Variants in TSPAN12 observed in about 807,000 individuals in gnomAD.
TSPAN12 encodes tetraspanin 12, also known as tetraspanin-12.
Under a neutral mutation model 39.2 loss-of-function variants are expected in TSPAN12, and 19 were observed. That is an observed-to-expected ratio of 0.49 (90% CI 0.34 to 0.71). The LOEUF (loss-of-function observed/expected upper bound fraction) is 0.71. TSPAN12 is among the 30% of genes least tolerant of loss of function. The probability of loss-of-function intolerance (pLI) is 0.01; values close to 1 mark genes in which losing one functional copy is unlikely to be tolerated. For synonymous variants in TSPAN12, 119 were observed against 124.8 expected (o/e 0.95, Z 0.31); for missense variants, 314 against 359.9 (o/e 0.87, Z 1.03).
At chr7:120,856,215 C>T (rs970861827) in intron 2 of TSPAN12, among the ~76,000 whole-genome samples, 4 of 152,146 alleles carry the variant, frequency 2.6e-5, no homozygotes, top group African/African-American at 7.2e-5. Flanking sequence ...TCTACTCAGC[C>T]TTTCTGTGAT....
intron 2 of TSPAN12, among the ~76,000 whole-genome samples, chr7:120,851,619 A>T (rs903485885): frequency 6.6e-6 from 1 of 152,244 alleles, no homozygotes; most frequent in African/African-American, 2.4e-5. Flanking sequence ...AAAGCTACAG[A>T]AACTGTCTTT....
At chr7:120,808,445 G>A (rs1793916033) in intron 6 of TSPAN12, among the ~76,000 whole-genome samples, 1 of 151,934 alleles carries the variant, frequency 6.6e-6, no homozygotes, top group Non-Finnish European at 1.5e-5. Context: ...TCATTTTCCT[G>A]TCTACTTTAA....
intron 4 of TSPAN12, among the ~76,000 whole-genome samples, chr7:120,818,280 T>C (rs543584510): frequency 5.9e-5 from 9 of 152,228 alleles, no homozygotes; most frequent in African/African-American, 2.2e-4. Flanking sequence ...TTTTATTCTA[T>C]GGGTAATGCA....
intron 6 of TSPAN12, 111 bp downstream of exon 6, chr7:120,810,352 A>T (rs749548116): frequency 4.0e-6 from 3 of 748,026 alleles, no homozygotes; most frequent in Non-Finnish European, 7.2e-6. Context: ...ACTGAATCAC[A>T]GGCTTAATTT....
chr7:120,839,427 G>A (rs925720876), intron 3 of TSPAN12, among the ~76,000 whole-genome samples: 2 of 152,094 alleles, frequency 1.3e-5, no homozygotes, highest in South Asian at 2.1e-4. Flanking sequence ...GCTAGAACAC[G>A]ATGAAAAATT....
chr7:120,830,429 T>C (rs1244032303), intron 4 of TSPAN12, among the ~76,000 whole-genome samples: 1 of 152,028 alleles, frequency 6.6e-6, no homozygotes, highest in African/African-American at 2.4e-5. Context: ...CAAAACAGCA[T>C]GGTAGTAGCC....
chr7:120,788,382 A>T lies in TSPAN12; in HGVS notation c.*210T>A. On this transcript the variant is annotated 3_prime_UTR_variant, in exon 8 of 8. Coordinates refer to ENST00000222747, the MANE Select transcript of TSPAN12 (RefSeq NM_012338.4). The stretch of plus-strand genomic sequence containing the variant: ...CACAGTGGGTATGACATCTGTCTTC[A>T]GCATTTTAAGGGCATCAATTATTGT... The T allele has an allele frequency of 1.7e-6, 1 of 599,802 alleles. No individual in the cohort carries two copies. The highest frequency in any genetic ancestry group is 3.0e-5 in the East Asian group (1 of 33,618). The allele number at this position is 599,802 out of a possible 1,614,324, so 37.2% of individuals were successfully genotyped here. A position where few individuals can be genotyped will look rare whatever the true frequency, so the allele number is the denominator to read the frequency against.
chr7:120,809,394 C>T (rs1458957272), intron 6 of TSPAN12, among the ~76,000 whole-genome samples: 3 of 151,982 alleles, frequency 2.0e-5, no homozygotes, highest in Non-Finnish European at 4.4e-5. Flanking sequence ...TTGTTTTTAG[C>T]ACAAATATAC....
intron 2 of TSPAN12, among the ~76,000 whole-genome samples, chr7:120,844,192 A>G (rs1422508682): frequency 6.6e-6 from 1 of 152,268 alleles, no homozygotes; most frequent in East Asian, 1.9e-4. Context: ...CGTCTCCATG[A>G]TCCAATCACC....
At chr7:120,809,029 T>C (rs1426508207) in intron 6 of TSPAN12, among the ~76,000 whole-genome samples, 2 of 151,286 alleles carry the variant, frequency 1.3e-5, no homozygotes, top group Non-Finnish European at 2.9e-5. Flanking sequence ...AGGGAGAAGA[T>C]GGCCATCCGC....
chr7:120,810,720 T>C (rs535238166), intron 5 of TSPAN12, 150 bp from the exon 6 acceptor site: 237 of 650,122 alleles, frequency 3.6e-4, no homozygotes, highest in Middle Eastern at 1.7e-3. Flanking sequence ...TATTTGCTCA[T>C]GGCCTAAATT....
rs1467303132 is a variant in TSPAN12, at chr7:120,839,361, T to C, written c.150-449A>G. 7.9e-5 allele frequency among the ~76,000 whole-genome samples: 12 copies of C among 152,182 alleles called. No homozygotes were observed. In the East Asian group the frequency reaches 2.3e-3, roughly 29 times the overall value. On this transcript the variant is annotated intron_variant, in intron 3 of 7. Transcript: ENST00000222747. ...CCTCCCCCAAAATGTAAAAGACTGC[T>C]ATGCAAAGGAAAATCAATCTACATT...
intron 7 of TSPAN12, among the ~76,000 whole-genome samples, chr7:120,805,040 G>A (rs145720066): frequency 1.5e-4 from 23 of 152,124 alleles, no homozygotes; most frequent in African/African-American, 4.1e-4. Context: ...ATAAATTTAC[G>A]TTGTCAGAGC....
At chr7:120,796,948 GAC>G (rs1793643469) in intron 7 of TSPAN12, among the ~76,000 whole-genome samples, 2 of 152,176 alleles carry the variant, frequency 1.3e-5, no homozygotes, top group African/African-American at 4.8e-5. Flanking sequence ...GAGGTCAGGA[GAC>G]AGAGACCATC....
At chr7:120,843,137 G>A (rs1488971568) in intron 2 of TSPAN12, among the ~76,000 whole-genome samples, 4 of 152,128 alleles carry the variant, frequency 2.6e-5, no homozygotes, top group African/African-American at 7.2e-5. Context: ...CCACATTCAA[G>A]AGTAGAATTA....
chr7:120,824,243 C>G (rs1028166783), intron 4 of TSPAN12, among the ~76,000 whole-genome samples: 1 of 142,560 alleles, frequency 7.0e-6, no homozygotes, highest in African/African-American at 2.6e-5. Context: ...CCATCCTGGC[C>G]AACATGGTGA....
At chr7:120,799,544 T>TTAATTATATATAATTATATA (rs1793707334) in intron 7 of TSPAN12, among the ~76,000 whole-genome samples, 1 of 105,956 alleles carries the variant, frequency 9.4e-6, no homozygotes, top group African/African-American at 4.1e-5. Context: ...TTATATATAA[T>TTAATTATATATAATTATATA]TATATATATA....
At chr7:120,796,281 C>A (rs1033622981) in intron 7 of TSPAN12, among the ~76,000 whole-genome samples, 10 of 152,114 alleles carry the variant, frequency 6.6e-5, no homozygotes, top group Admixed American at 5.9e-4. Flanking sequence ...AAAACTGGAC[C>A]AAGTCCCAAA....
At chr7:120,820,138 T>G (rs990038248) in intron 4 of TSPAN12, among the ~76,000 whole-genome samples, 17 of 152,126 alleles carry the variant, frequency 1.1e-4, no homozygotes, top group African/African-American at 3.9e-4. Context: ...CAGTCTAGTT[T>G]GCAAAGCAAC....
Sources: allele counts gnomAD v4.1 joint callset (sites outside exome capture counted in the v4.1 genomes callset), GRCh38; gene constraint gnomAD v4.1.1; transcripts MANE v1.5; gene names NCBI Gene and HGNC (gene_info 2026-07-23, HGNC 2026-07-21).